PTPN13: variants seen among roughly 807,000 people sequenced by gnomAD.
The protein encoded by PTPN13 is protein tyrosine phosphatase non-receptor type 13, also known as tyrosine-protein phosphatase non-receptor type 13.
In PTPN13, 191 loss-of-function variants were observed where a neutral mutation model predicts 284.0. The ratio of observed to expected loss-of-function variants is 0.67; its 90% CI spans 0.60 to 0.76. The LOEUF (loss-of-function observed/expected upper bound fraction) is 0.76. PTPN13 is among the 30% of genes least tolerant of loss of function. The probability of loss-of-function intolerance (pLI) is 0.00; values close to 1 mark genes in which losing one functional copy is unlikely to be tolerated. For synonymous variants in PTPN13, 986 were observed against 1,022.3 expected (o/e 0.96, Z 0.68); for missense variants, 2,797 against 2,939.9 (o/e 0.95, Z 1.12).
At chr4:86,731,877 A>G (rs1305049324) in intron 10 of PTPN13, among the ~76,000 whole-genome samples, 3 of 152,152 alleles carry the variant, frequency 2.0e-5, no homozygotes, top group Admixed American at 6.5e-5. Flanking sequence ...CCTGGCCTCA[A>G]GCGATCCTCC....
intron 1 of PTPN13, among the ~76,000 whole-genome samples, chr4:86,620,429 GGAT>G (rs1721086621): frequency 6.6e-6 from 1 of 152,070 alleles, no homozygotes; most frequent in African/African-American, 2.4e-5. Flanking sequence ...CAAAGTGCTG[GGAT>G]TATAGGTATG....
chr4:86,613,867 TTGCTTATATCCTCAC>T (rs1228365004), intron 1 of PTPN13, among the ~76,000 whole-genome samples: 1 of 152,146 alleles, frequency 6.6e-6, no homozygotes, highest in Non-Finnish European at 1.5e-5. Context: ...CTAGGATGGG[TTGCTTATATCCTCAC>T]TGCAGTGAGA....
chr4:86,670,393 A>C (rs893063567), intron 2 of PTPN13, among the ~76,000 whole-genome samples: 1 of 151,490 alleles, frequency 6.6e-6, no homozygotes. Context: ...CCACCTCAGC[A>C]GCCTGCACTA....
chr4:86,676,142 T>C (rs1039744819), intron 3 of PTPN13, among the ~76,000 whole-genome samples: 1 of 152,228 alleles, frequency 6.6e-6, no homozygotes, highest in African/African-American at 2.4e-5. Context: ...TTAAATCTTG[T>C]TAATCCATTC....
chr4:86,603,545 C>G lies in PTPN13; in HGVS notation c.-6+8756C>G, dbSNP rs112408895. Among the ~76,000 whole-genome samples the G allele has an allele frequency of 6.2e-3, 941 of 152,182 alleles. 15 individuals carry two copies. Among genetic ancestry groups the G allele is most frequent in the African/African-American group, 0.021 (877 of 41,530 alleles). On this transcript the variant is annotated intron_variant, in intron 1 of 47. Coordinates refer to ENST00000411767, the MANE Select transcript of PTPN13 (RefSeq NM_080683.3). ...AAATTATTTGGTATTTCTCACAGAA[C>G]TTTAAATATGCTCTAATGTATGTTA...
Position 86,752,639 on chromosome 4 carries a change from A to C in PTPN13, c.3167-370A>C, listed in dbSNP as rs556574385. ...GGAAAATAGTAAATACTCTATAGAA[A>C]ACATAAAACACTCTTAAAGGAAATT... is the stretch of plus-strand genomic sequence containing the variant. On this transcript the variant is annotated intron_variant, in intron 19 of 47. Transcript: ENST00000411767. Among the ~76,000 whole-genome samples the C allele has an allele frequency of 2.6e-5, 4 of 152,314 alleles. No individual in the cohort carries two copies. The South Asian group carries it at 8.3e-4, about 32-fold the overall frequency.
In PTPN13 at chr4:86,805,298, C is replaced by A. The variant is rs372363735; in HGVS notation, c.6674C>A (p.Pro2225His). 2.5e-6 allele frequency: 4 copies of A among 1,594,136 alleles called. No homozygotes were observed. In the African/African-American group the frequency reaches 5.4e-5, roughly 21 times the overall value. ...TTACAGAATCTTCAAGAATTAAAAC[C>A]TTTGGATCAGTGTCTAATTGGGCAA... ...KELENLQELKPLDQCLIGQTK... is the reference protein window; with the variant it reads ...KELENLQELKHLDQCLIGQTK... The change falls in exon 44 of 48, where the codon CCT becomes CAT. Residue 2225 changes from proline to histidine, a missense_variant. Physicochemically the swap from Pro to His is moderately conservative, Grantham distance 77. Coordinates refer to ENST00000411767, the MANE Select transcript of PTPN13 (RefSeq NM_080683.3).
intron 28 of PTPN13, among the ~76,000 whole-genome samples, chr4:86,769,265 C>T (rs1409208627): frequency 6.6e-6 from 1 of 152,086 alleles, no homozygotes; most frequent in African/African-American, 2.4e-5. Context: ...ACGCTGTATA[C>T]CTGAGTTTCT....
chr4:86,778,473 G>T (rs1470241229), intron 35 of PTPN13, among the ~76,000 whole-genome samples: 1 of 138,484 alleles, frequency 7.2e-6, no homozygotes, highest in Non-Finnish European at 1.6e-5. Flanking sequence ...CCCAGGCAAA[G>T]CAGTGCCTGG....
intron 7 of PTPN13, among the ~76,000 whole-genome samples, chr4:86,713,469 C>T (rs1181052595): frequency 6.6e-6 from 1 of 151,700 alleles, no homozygotes; most frequent in South Asian, 2.1e-4. Context: ...TCATAATGAG[C>T]CAGAGGATTA....
rs185005924 is a variant in PTPN13 at position 86,645,991 on chromosome 4, A to G, written c.115+10620A>G. Among the ~76,000 whole-genome samples the G allele has an allele frequency of 5.9e-5, 9 of 152,330 alleles. No individual in the cohort carries two copies. In the East Asian group the frequency reaches 1.3e-3, roughly 23 times the overall value. ...AGATCAATTGAACATAACAGCATCC[A>G]GAAATAAATCCACACCTATATGGTC... On this transcript the variant is annotated intron_variant, in intron 2 of 47. Transcript: ENST00000411767.
chr4:86,682,268 G>T (rs535337686), intron 3 of PTPN13, among the ~76,000 whole-genome samples: 2 of 152,210 alleles, frequency 1.3e-5, no homozygotes, highest in East Asian at 1.9e-4. Context: ...ACCTCTATAG[G>T]ACTGTGTCCT....
intron 1 of PTPN13, among the ~76,000 whole-genome samples, chr4:86,595,118 C>A (rs1438287956): frequency 6.6e-6 from 1 of 152,142 alleles, no homozygotes; most frequent in East Asian, 1.9e-4. Flanking sequence ...TAGGGAGTGA[C>A]ATTGCCCCGT....
chr4:86,763,650 A>G (rs1039943963), intron 24 of PTPN13, among the ~76,000 whole-genome samples: 1 of 152,212 alleles, frequency 6.6e-6, no homozygotes, highest in Non-Finnish European at 1.5e-5. Context: ...ACCCACATCT[A>G]TAATCCCAAC....
intron 42 of PTPN13, among the ~76,000 whole-genome samples, chr4:86,801,589 T>C (rs1744041328): frequency 6.6e-6 from 1 of 152,190 alleles, no homozygotes; most frequent in South Asian, 2.1e-4. Context: ...CCAGTTTGAA[T>C]AACATTTAAT....
At chr4:86,766,774 T>A (rs1355223871) in intron 27 of PTPN13, 1 of 293,788 alleles carries the variant, frequency 3.4e-6, no homozygotes, top group Non-Finnish European at 6.2e-6. Context: ...GGGGGAGGGA[T>A]GGAAATTGCA....
rs760149017 is a variant in PTPN13, at chr4:86,735,625, A to G, written c.2183A>G (p.His728Arg). Residue 728 changes from histidine (H) to arginine (R), a missense_variant, in exon 15 of 48, where the codon CAC becomes CGC. By Grantham distance (29) the His-to-Arg change is conservative. Coordinates refer to ENST00000411767, the MANE Select transcript of PTPN13 (RefSeq NM_080683.3). ...VHGVSYFRME[H>R]YLPARVMEKL... ...GGTGTGTCTTACTTTAGAATGGAGC[A>G]CTATTTGCCCGCCAGAGTGATGGAG... 1 of 1,613,322 alleles carries G rather than the reference A, an allele frequency of 6.2e-7. No homozygotes were observed. Among genetic ancestry groups the G allele is most frequent in the Non-Finnish European group, 8.5e-7 (1 of 1,179,626 alleles).
chr4:86,813,354 A>C (rs565919551), intron 47 of PTPN13, among the ~76,000 whole-genome samples: 1 of 152,372 alleles, frequency 6.6e-6, no homozygotes, highest in African/African-American at 2.4e-5. Context: ...TCAACTTAAT[A>C]GAAAATAATT....
At chr4:86,614,405 A>G (rs1023214476) in intron 1 of PTPN13, among the ~76,000 whole-genome samples, 3 of 152,184 alleles carry the variant, frequency 2.0e-5, no homozygotes, top group African/African-American at 7.2e-5. Flanking sequence ...TTGATAAGAT[A>G]CTATTCTTCA....
Sources: gnomAD v4.1 joint callset for allele counts (sites outside exome capture counted in the v4.1 genomes callset) on GRCh38, gnomAD v4.1.1 for gene constraint, MANE v1.5 for transcripts, NCBI Gene and HGNC (gene_info 2026-07-23, HGNC 2026-07-21) for gene names.